Variants in NELL1 observed in about 807,000 individuals in gnomAD.
The protein encoded by NELL1 is protein kinase C-binding protein NELL1.
A neutral mutation model predicts 107.4 loss-of-function variants in NELL1; 76 were observed. That is an observed-to-expected ratio of 0.71 (90% confidence interval 0.59 to 0.86). The LOEUF (loss-of-function observed/expected upper bound fraction) is 0.86, where lower values mean the gene tolerates loss of function less well. Among genes scored for constraint, NELL1 ranks in the 40% least tolerant of loss-of-function variants. The pLI, the probability that NELL1 is intolerant of heterozygous loss-of-function variation, is 0.00. For missense variants in NELL1, 1,024 were observed against 1,005.5 expected (o/e 1.02, Z -0.25); for synonymous variants, 353 against 341.2 (o/e 1.03, Z -0.38).
intron 11 of NELL1, among the ~76,000 whole-genome samples, chr11:20,954,597 C>T (rs1412602819): frequency 1.3e-5 from 2 of 152,096 alleles, no homozygotes; most frequent in Admixed American, 6.5e-5. Context: ...GGTGCTGCAG[C>T]CCACAGAGTA....
intron 14 of NELL1, among the ~76,000 whole-genome samples, chr11:21,302,008 G>C (rs1849502134): frequency 6.6e-6 from 1 of 152,144 alleles, no homozygotes; most frequent in Non-Finnish European, 1.5e-5. Context: ...AGGCAGTATA[G>C]GTTCCATGCT....
rs1338337065 is a variant in NELL1, at chr11:20,927,359, A to G, written c.811A>G (p.Lys271Glu). ...LSQLENCHCE[K>E]TCQVSGLLYR... ...TCAATTGGAAAACTGTCATTGTGAG[A>G]AGACTTGTCAAGTGAGTGGACTGCT... is the stretch of plus-strand genomic sequence containing the variant. Residue 271 changes from lysine to glutamate, a missense_variant, in exon 8 of 20, where the codon AAG becomes GAG. Lys to Glu is a moderately conservative substitution (Grantham distance 56). Coordinates refer to ENST00000357134, the MANE Select transcript of NELL1 (RefSeq NM_006157.5). The G allele has an allele frequency of 1.9e-6, 3 of 1,613,264 alleles. No homozygotes were observed. Among genetic ancestry groups the G allele is most frequent in the Middle Eastern group, 1.7e-4 (1 of 6,056 alleles).
chr11:21,450,843 C>G (rs1288277303), intron 15 of NELL1, among the ~76,000 whole-genome samples: 2 of 151,678 alleles, frequency 1.3e-5, no homozygotes, highest in African/African-American at 4.8e-5. Flanking sequence ...GTATATATTG[C>G]TTACTGAAAT....
intron 15 of NELL1, among the ~76,000 whole-genome samples, chr11:21,373,432 A>G (rs1039518801): frequency 6.6e-6 from 1 of 152,120 alleles, no homozygotes; most frequent in African/African-American, 2.4e-5. Context: ...TGATTACACT[A>G]AATCTTTCAT....
intron 15 of NELL1, among the ~76,000 whole-genome samples, chr11:21,432,970 G>A (rs558002270): frequency 2.8e-4 from 43 of 152,144 alleles, no homozygotes; most frequent in African/African-American, 9.6e-4. Context: ...CTCCCATCTA[G>A]CTGTAACTTT....
rs147547932 is a variant in NELL1, at chr11:20,862,656, G to C, written c.506+14903G>C. 1.7e-3 allele frequency among the ~76,000 whole-genome samples: 220 copies of C among 131,992 alleles called. 1 individual carries two copies. Among genetic ancestry groups the C allele is most frequent in the African/African-American group, 6.0e-3 (215 of 35,632 alleles). The allele number at this position is 131,992 out of a possible 152,430, so 86.6% of individuals were successfully genotyped here. A position where few individuals can be genotyped will look rare whatever the true frequency, so the allele number is the denominator to read the frequency against. On this transcript the variant is annotated intron_variant, in intron 4 of 19. Coordinates refer to ENST00000357134, the MANE Select transcript of NELL1 (RefSeq NM_006157.5). ...TGATCATTCTTGGGTGTTTCTCGCA[G>C]AGGATTTGGCAGGGTCATAGGACAA...
Position 20,729,827 on chromosome 11 carries a change from G to A in NELL1, c.184+51767G>A, listed in dbSNP as rs115802917. Among the ~76,000 whole-genome samples, 291 of 152,198 alleles carry A rather than the reference G, an allele frequency of 1.9e-3. 1 individual carries two copies. The highest frequency in any genetic ancestry group is 6.6e-3 in the African/African-American group (276 of 41,504). On this transcript the variant is annotated intron_variant, in intron 2 of 19. Coordinates refer to ENST00000357134, the MANE Select transcript of NELL1 (RefSeq NM_006157.5). ...ACTTTATGCTCTCTTCTGCTGTGGC[G>A]GTTGGGAAGGCAAGCTGTCTGTGGA...
At chr11:20,999,974 GT>G (rs561546913) in intron 12 of NELL1, among the ~76,000 whole-genome samples, 3 of 150,402 alleles carry the variant, frequency 2.0e-5, no homozygotes, top group Non-Finnish European at 4.5e-5. Context: ...TCATATGAAG[GT>G]TGTGTGTGTG....
At chr11:21,297,841 A>G (rs1223821263) in intron 14 of NELL1, among the ~76,000 whole-genome samples, 1 of 151,958 alleles carries the variant, frequency 6.6e-6, no homozygotes, top group African/African-American at 2.4e-5. Context: ...TAACCTCTCC[A>G]GAGTAACTCC....
intron 3 of NELL1, among the ~76,000 whole-genome samples, chr11:20,792,703 A>G (rs1049755589): frequency 4.6e-5 from 7 of 152,110 alleles, no homozygotes; most frequent in Non-Finnish European, 8.8e-5. Flanking sequence ...AAATCCTTGA[A>G]TAAACTTACA....
intron 2 of NELL1, among the ~76,000 whole-genome samples, chr11:20,759,121 A>G (rs1248700318): frequency 6.6e-6 from 1 of 152,236 alleles, no homozygotes. Flanking sequence ...GACCTGCCTG[A>G]CAAACTCTGT....
intron 15 of NELL1, among the ~76,000 whole-genome samples, chr11:21,411,810 C>G (rs1467164303): frequency 6.6e-6 from 1 of 151,992 alleles, no homozygotes; most frequent in Admixed American, 6.6e-5. Flanking sequence ...CAAATCATGG[C>G]ACAACTATGA....
intron 15 of NELL1, among the ~76,000 whole-genome samples, chr11:21,439,068 A>AATCG (rs1554912283): frequency 2.7e-4 from 40 of 150,736 alleles, no homozygotes; most frequent in Non-Finnish European, 3.2e-4. Context: ...AACTGCAGGT[A>AATCG]ATAGAGGTGT....
intron 3 of NELL1, among the ~76,000 whole-genome samples, chr11:20,841,931 A>G (rs954664604): frequency 5.3e-5 from 8 of 152,308 alleles, no homozygotes; most frequent in African/African-American, 1.9e-4. Flanking sequence ...TCCCACTACT[A>G]TTTACTTAAA....
intron 14 of NELL1, among the ~76,000 whole-genome samples, chr11:21,286,984 A>G (rs890175838): frequency 6.6e-6 from 1 of 152,212 alleles, no homozygotes; most frequent in African/African-American, 2.4e-5. Context: ...GACGGAGAAA[A>G]TTCACGTAAA....
intron 15 of NELL1, among the ~76,000 whole-genome samples, chr11:21,501,786 G>A (rs1855150090): frequency 6.6e-6 from 1 of 152,136 alleles, no homozygotes; most frequent in Admixed American, 6.6e-5. Context: ...GGTAAGTGGA[G>A]GAACTAGAAC....
chr11:21,246,977 AT>A (rs1858509827), intron 14 of NELL1, among the ~76,000 whole-genome samples: 2 of 152,158 alleles, frequency 1.3e-5, no homozygotes, highest in African/African-American at 4.8e-5. Context: ...ACATGTGGGA[AT>A]TATGGTAGCT....
At chr11:20,761,193 G>A (rs1856412013) in intron 2 of NELL1, among the ~76,000 whole-genome samples, 1 of 152,176 alleles carries the variant, frequency 6.6e-6, no homozygotes, top group African/African-American at 2.4e-5. Flanking sequence ...AGTGTCAATG[G>A]TAAGGTGCAG....
chr11:21,513,704 A>T (rs1459312876), intron 15 of NELL1, among the ~76,000 whole-genome samples: 1 of 152,210 alleles, frequency 6.6e-6, no homozygotes, highest in Non-Finnish European at 1.5e-5. Context: ...TGAAACCAAT[A>T]ATCAACTTCC....
Sources: gnomAD v4.1 joint callset for allele counts (sites outside exome capture counted in the v4.1 genomes callset) on GRCh38, gnomAD v4.1.1 for gene constraint, MANE v1.5 for transcripts, NCBI Gene and HGNC (gene_info 2026-07-23, HGNC 2026-07-21) for gene names.